Variants in PTCD3 observed in about 807,000 individuals in gnomAD.
PTCD3 encodes pentatricopeptide repeat domain 3, also known as small ribosomal subunit protein mS39.
Under a neutral mutation model 101.9 loss-of-function variants are expected in PTCD3, and 89 were observed. The ratio of observed to expected loss-of-function variants is 0.87; its 90% CI spans 0.74 to 1.04. The LOEUF is 1.04. Among genes scored for constraint, PTCD3 ranks in the 50% least tolerant of loss-of-function variants. The probability of loss-of-function intolerance (pLI) is 0.00; values close to 1 mark genes in which losing one functional copy is unlikely to be tolerated. For missense variants in PTCD3, 870 were observed against 828.2 expected (o/e 1.05, Z -0.62); for synonymous variants, 296 against 278.5 (o/e 1.06, Z -0.63).
chr2:86,134,908 A>G lies in PTCD3; in HGVS notation c.1699A>G (p.Thr567Ala). 6.2e-7 allele frequency: 1 copy of G among 1,614,080 alleles called. No homozygotes were observed. Residue 567 changes from threonine to alanine, a missense_variant, in exon 21 of 24, where the codon ACT becomes GCT. Coordinates refer to ENST00000254630, the MANE Select transcript of PTCD3 (RefSeq NM_017952.6). The stretch of plus-strand genomic sequence containing the variant: ...GTATGAAAGCCAACCCATCAGACAG[A>G]CTGCTCAGGATTGGCCAGCCACCTC... ...SAYESQPIRQ[T>A]AQDWPATSLN...
Position 86,125,834 on chromosome 2 carries a change from T to C in PTCD3, c.905T>C (p.Val302Ala). Residue 302 changes from valine (V) to alanine (A), a missense_variant, in exon 12 of 24, where the codon GTA (valine) becomes GCA (alanine). Physicochemically the swap from Val to Ala is moderately conservative, Grantham distance 64. Transcript: ENST00000254630. ...TTTAATGCATTGATTGAAGCAACAG[T>C]ATGTGCGATAAATGAGAAATTTGAG... Reference protein sequence around the residue: ...YTFNALIEATVCAINEKFEEK... With the variant: ...YTFNALIEATACAINEKFEEK... 6.2e-7 allele frequency: 1 copy of C among 1,609,714 alleles called. No homozygotes were observed. The highest frequency in any genetic ancestry group is 8.5e-7 in the Non-Finnish European group (1 of 1,176,078).
chr2:86,136,506 T>C lies in PTCD3; in HGVS notation c.1779-15T>C, dbSNP rs751122187. 4 of 1,603,406 alleles carry C rather than the reference T, an allele frequency of 2.5e-6. No homozygotes were observed. In the Admixed American group the frequency reaches 6.7e-5, roughly 27 times the overall value. On this transcript the variant is annotated splice_polypyrimidine_tract_variant and intron_variant, in intron 21 of 23. Coordinates refer to ENST00000254630, the MANE Select transcript of PTCD3 (RefSeq NM_017952.6). ...TTTCTAATAGTATTCATAATCTTTTTCCTTTCTTGAGCAGGAAAATGTTGG... is the reference window on the plus strand; with the variant it reads ...TTTCTAATAGTATTCATAATCTTTTCCCTTTCTTGAGCAGGAAAATGTTGG...
intron 7 of PTCD3, among the ~76,000 whole-genome samples, chr2:86,120,696 A>G (rs1419061081): frequency 1.3e-5 from 2 of 152,166 alleles, no homozygotes; most frequent in South Asian, 2.1e-4. Flanking sequence ...GGAGTTCAAG[A>G]CCAGCCTGGG....
intron 1 of PTCD3, 126 bp downstream of exon 1, chr2:86,106,477 C>T (rs1248103965): frequency 1.0e-4 from 93 of 888,876 alleles, no homozygotes; most frequent in Non-Finnish European, 3.3e-5. Flanking sequence ...CGGTCGCGTG[C>T]CCTTAAGACC....
At chr2:86,132,132 A>T (rs1674504055) in intron 16 of PTCD3, among the ~76,000 whole-genome samples, 186 bp from the exon 17 acceptor site, 1 of 152,220 alleles carries the variant, frequency 6.6e-6, no homozygotes, top group African/African-American at 2.4e-5. Flanking sequence ...TAATTAAAAT[A>T]ATATTGTAAT....
In PTCD3 at chr2:86,109,662, G is replaced by A. The variant is rs551720777; in HGVS notation, c.194+1126G>A. Among the ~76,000 whole-genome samples the A allele has an allele frequency of 3.9e-5, 6 of 152,330 alleles. No homozygotes were observed. The South Asian group carries it at 1.2e-3, about 32-fold the overall frequency. On this transcript the variant is annotated intron_variant, in intron 3 of 23. Coordinates refer to ENST00000254630, the MANE Select transcript of PTCD3 (RefSeq NM_017952.6). The stretch of plus-strand genomic sequence containing the variant: ...TTGGCAGAATCAGAATTGGAAATGT[G>A]CGTACCTTACTGGTTAGCCACTTTG...
At position 86,125,008 on chromosome 2, in the gene PTCD3, G is replaced by T. The variant is rs139051130; in HGVS notation, c.730G>T (p.Ala244Ser). 3 of 1,613,882 alleles carry T rather than the reference G, an allele frequency of 1.9e-6. No individual in the cohort carries two copies. The highest frequency in any genetic ancestry group is 2.5e-6 in the Non-Finnish European group (3 of 1,179,976). ...FGVTWRAKNN[A>S]ERIFSLMPEK... ...TCTTGTGTCTAGAGCAAAAAACAAC[G>T]CTGAGAGAATCTTTTCTCTAATGCC... The change falls in exon 10 of 24, where the codon GCT becomes TCT. Residue 244 changes from alanine to serine, a missense_variant. By Grantham distance (99) the Ala-to-Ser change is moderately conservative (BLOSUM62 1). Transcript: ENST00000254630.
chr2:86,106,314 C>A lies in PTCD3; in HGVS notation c.67C>A (p.Arg23=). 6.2e-7 allele frequency: 1 copy of A among 1,613,980 alleles called. No individual in the cohort carries two copies. The highest frequency in any genetic ancestry group is 1.1e-5 in the South Asian group (1 of 90,986). The part of the protein sequence containing the change: ...RSRLGQPLTG[R]RAGLCEQARS... ...CAGGCTTGGCCAGCCGCTGACGGGT[C>A]GGCGGGCGGGTTTGTGTGAACAGGC... is the stretch of plus-strand genomic sequence containing the variant. The change falls in exon 1 of 24, where the codon CGG becomes AGG. Residue 23 remains arginine, a synonymous_variant. Coordinates refer to ENST00000254630, the MANE Select transcript of PTCD3 (RefSeq NM_017952.6).
intron 1 of PTCD3, 120 bp from the exon 2 acceptor site, chr2:86,108,230 A>G (rs1246175056): frequency 3.6e-6 from 4 of 1,107,422 alleles, no homozygotes; most frequent in Non-Finnish European, 3.9e-6. Flanking sequence ...GTTCATTGAC[A>G]TGAGTTATCC....
intron 21 of PTCD3, 71 bp downstream of exon 21, chr2:86,135,058 G>T: frequency 2.0e-6 from 3 of 1,481,638 alleles, no homozygotes; most frequent in Non-Finnish European, 2.7e-6. Flanking sequence ...GCCCACGCTG[G>T]TAGAGGTTCT....
rs770476865 is a variant in PTCD3 at position 86,130,736 on chromosome 2, T to C, written c.1236T>C (p.Asp412=). 24 of 1,613,522 alleles carry C rather than the reference T, an allele frequency of 1.5e-5. No individual in the cohort carries two copies. The highest frequency in any genetic ancestry group is 3.3e-5 in the South Asian group (3 of 90,956). Residue 412 remains aspartate, a splice_region_variant and synonymous_variant, in exon 15 of 24, where the codon GAT becomes GAC. Coordinates refer to ENST00000254630, the MANE Select transcript of PTCD3 (RefSeq NM_017952.6). ...GATTTTCTCCAAAGGACCCGGATGA[T>C]GGCATGTATAGAAATCACTTGTGTT... ...GKRFSPKDPD[D]DKFFQSAMSI...
At position 86,123,736 on chromosome 2, in the gene PTCD3, T is replaced by C. The variant is rs746122281; in HGVS notation, c.690T>C (p.Ala230=). 1.2e-6 allele frequency: 2 copies of C among 1,601,892 alleles called. No homozygotes were observed. The highest frequency in any genetic ancestry group is 1.8e-5 in the Admixed American group (1 of 56,834). The change falls in exon 9 of 24, where the codon GCT becomes GCC. Residue 230 remains alanine, a synonymous_variant. Transcript: ENST00000254630. ...ATGATGAGACATCTAGGAGGAAAGCTGGTCATCAGTTTGGAGTTACATGGC... is the reference window on the plus strand; with the variant it reads ...ATGATGAGACATCTAGGAGGAAAGCCGGTCATCAGTTTGGAGTTACATGGC... ...EENDETSRRK[A]GHQFGVTWRA...
Position 86,106,253 on chromosome 2 carries a change from G to A in PTCD3, c.6G>A (p.Ala2=), listed in dbSNP as rs61731720. 2 of 1,613,956 alleles carry A rather than the reference G, an allele frequency of 1.2e-6. No homozygotes were observed. The highest frequency in any genetic ancestry group is 1.1e-5 in the South Asian group (1 of 90,968). ...GCTCTGCAGAGAAATCAAAGATGGC[G>A]GTTGTATCTGCTGTTCGCTGGCTGG... is the stretch of plus-strand genomic sequence containing the variant. M[A]VVSAVRWLGL... is the part of the protein sequence containing the mutation. The change falls in exon 1 of 24, where the codon GCG becomes GCA. Residue 2 remains alanine, a synonymous_variant. Transcript: ENST00000254630.
chr2:86,134,305 TG>T lies in PTCD3; in HGVS notation c.1559del (p.Gly520ValfsTer8). ...TCTTGTTTCAAGATAGTAAAGAATA[TG>T]GTCATACTTTCCGCAGTGACCTGAG... ...PKIWKDSKEY[G>X]HTFRSDLREE... On this transcript the variant is annotated frameshift_variant, in exon 20 of 24. Transcript: ENST00000254630. LOFTEE classifies it high-confidence loss of function. 1 of 1,610,026 alleles carries T rather than the reference TG, an allele frequency of 6.2e-7. No individual in the cohort carries two copies. Among genetic ancestry groups the T allele is most frequent in the Non-Finnish European group, 8.5e-7 (1 of 1,176,290 alleles).
intron 7 of PTCD3, among the ~76,000 whole-genome samples, chr2:86,120,112 G>A (rs1357459791): frequency 2.0e-5 from 3 of 152,232 alleles, no homozygotes; most frequent in Non-Finnish European, 4.4e-5. Flanking sequence ...ATGTATGGCT[G>A]AGTGATGGCA....
At position 86,111,183 on chromosome 2, in the gene PTCD3, T is replaced by C. The variant is rs758346438; in HGVS notation, c.240+25T>C. On this transcript the variant is annotated intron_variant, in intron 4 of 23. Transcript: ENST00000254630. The stretch of plus-strand genomic sequence containing the variant: ...GGTAAGTAGGATTTTGTGTTTTTTT[T>C]TAACCTAAAACTTGGCTAATAACAC... The C allele has an allele frequency of 1.1e-5, 17 of 1,601,086 alleles. No homozygotes were observed. In the Middle Eastern group the frequency reaches 1.2e-3, roughly 109 times the overall value.
chr2:86,122,547 GACC>G (rs1466982674), intron 8 of PTCD3, among the ~76,000 whole-genome samples: 3 of 142,050 alleles, frequency 2.1e-5, no homozygotes, highest in Non-Finnish European at 4.6e-5. Context: ...AAATAGCTGG[GACC>G]ACAAGTGTGG....
At chr2:86,137,254 T>A in intron 23 of PTCD3, 114 bp downstream of exon 23, 1 of 1,359,156 alleles carries the variant, frequency 7.4e-7, no homozygotes, top group Non-Finnish European at 9.9e-7. Flanking sequence ...AGTCAGAATG[T>A]AGTAATTTAA....
At chr2:86,132,899 G>C (rs1467703165) in intron 17 of PTCD3, 4 of 440,246 alleles carry the variant, frequency 9.1e-6, no homozygotes, top group African/African-American at 8.0e-5. Context: ...GTTTCACATT[G>C]AATGTTTTTA....
Sources: allele counts gnomAD v4.1 joint callset (sites outside exome capture counted in the v4.1 genomes callset), GRCh38; gene constraint gnomAD v4.1.1; transcripts MANE v1.5; gene names NCBI Gene and HGNC (gene_info 2026-07-23, HGNC 2026-07-21).